Variants in SYCE1L observed in about 807,000 individuals in gnomAD.
SYCE1L encodes the protein synaptonemal complex central element protein 1-like.
Under a neutral mutation model 39.6 loss-of-function variants are expected in SYCE1L, and 51 were observed. The ratio of observed to expected loss-of-function variants is 1.29; its 90% confidence interval spans 1.03 to 1.63. SYCE1L has a LOEUF of 1.63. SYCE1L is among the 40% of genes most tolerant of loss of function. The pLI is 0.00. For missense variants in SYCE1L, 426 were observed against 304.9 expected (o/e 1.40, Z -2.96); for synonymous variants, 147 against 122.4 (o/e 1.20, Z -1.33).
At position 77,199,852 on chromosome 16, in the gene SYCE1L, TA is replaced by T. The variant is rs201098769; in HGVS notation, c.61+342del. ...TGCTGCAGCCACCCCTTATTAACAG[TA>T]ATTCCCAGTGTCGCCATTTCACACC... On this transcript the variant is annotated intron_variant, in intron 1 of 10. Transcript: ENST00000378644. 1,058 of 204,496 alleles carry T rather than the reference TA, an allele frequency of 5.2e-3. 10 individuals carry two copies. The highest frequency in any genetic ancestry group is 0.023 in the African/African-American group (970 of 43,022). 12.7% of individuals were successfully genotyped at this position (204,496 alleles called of 1,614,324 possible). A position where few individuals can be genotyped will look rare whatever the true frequency, so the allele number is the denominator to read the frequency against.
intron 7 of SYCE1L, among the ~76,000 whole-genome samples, chr16:77,211,814 G>A (rs1260076499): frequency 6.6e-6 from 1 of 152,174 alleles, no homozygotes; most frequent in Non-Finnish European, 1.5e-5. Context: ...AAGAAGCCGT[G>A]CAGGTATCGG....
intron 1 of SYCE1L, 104 bp downstream of exon 1, chr16:77,199,616 T>TA: frequency 1.0e-6 from 1 of 997,706 alleles, no homozygotes; most frequent in Non-Finnish European, 1.5e-6. Flanking sequence ...CTAATTTTTT[T>TA]AAATAAAATG....
rs1219198876 is a variant in SYCE1L, at chr16:77,209,484, G to A, written c.359+13G>A. The A allele has an allele frequency of 1.9e-6, 3 of 1,551,700 alleles. No individual in the cohort carries two copies. Among genetic ancestry groups the A allele is most frequent in the Non-Finnish European group, 2.6e-6 (3 of 1,146,980 alleles). ...GCGAGGCTCAGAGGTAAGAGGCCCT[G>A]CCTCAGCTCTTCCCTACCTCATTCC... On this transcript the variant is annotated intron_variant, in intron 6 of 10. Transcript: ENST00000378644.
In SYCE1L at chr16:77,201,819, A is replaced by C. The variant is rs1161995909; in HGVS notation, c.61+2307A>C. On this transcript the variant is annotated intron_variant, in intron 1 of 10. Coordinates refer to ENST00000378644, the MANE Select transcript of SYCE1L (RefSeq NM_001129979.3). ...TAAGTTCTAATTTAAATGTATTAAAATTAAATTATAAGTTGATAGGATTAT... is the reference window on the plus strand; with the variant it reads ...TAAGTTCTAATTTAAATGTATTAAACTTAAATTATAAGTTGATAGGATTAT... 4 of 152,356 alleles carry C rather than the reference A, an allele frequency of 2.6e-5. No homozygotes were observed. In the East Asian group the frequency reaches 7.7e-4, roughly 29 times the overall value. 9.4% of individuals were successfully genotyped at this position (152,356 alleles called of 1,614,324 possible). A position where few individuals can be genotyped will look rare whatever the true frequency, so the allele number is the denominator to read the frequency against.
chr16:77,208,076 C>G, intron 2 of SYCE1L, 134 bp from the exon 3 acceptor site: 1 of 860,898 alleles, frequency 1.2e-6, no homozygotes, highest in South Asian at 2.0e-5. Context: ...GGGGCTCTGG[C>G]AGAGCTCAAC....
Position 77,213,211 on chromosome 16 carries a change from T to G in SYCE1L, c.*280T>G. 2.8e-6 allele frequency: 1 copy of G among 355,198 alleles called. No individual in the cohort carries two copies. Among genetic ancestry groups the G allele is most frequent in the Admixed American group, 4.7e-5 (1 of 21,446 alleles). The allele number at this position is 355,198 out of a possible 1,614,324, so 22.0% of individuals were successfully genotyped here. A position where few individuals can be genotyped will look rare whatever the true frequency, so the allele number is the denominator to read the frequency against. On this transcript the variant is annotated 3_prime_UTR_variant, in exon 11 of 11. Coordinates refer to ENST00000378644, the MANE Select transcript of SYCE1L (RefSeq NM_001129979.3). ...CCTCATCTCGAGTTCCCAAACCATC[T>G]ATGTTGTCAACAGGGGCCGGAGGGC...
Position 77,212,546 on chromosome 16 carries a change from T to A in SYCE1L, c.582-28T>A, listed in dbSNP as rs1185574811. On this transcript the variant is annotated intron_variant, in intron 9 of 10. Transcript: ENST00000378644. ...GTCCCCTGGACTCTCGCTCTCTTCCTCCTGTCTCCTCGGCCCCTTCTCCGC... is the reference window on the plus strand; with the variant it reads ...GTCCCCTGGACTCTCGCTCTCTTCCACCTGTCTCCTCGGCCCCTTCTCCGC... 9 of 1,536,904 alleles carry A rather than the reference T, an allele frequency of 5.9e-6. No individual in the cohort carries two copies. In the Admixed American group the frequency reaches 1.8e-4, roughly 30 times the overall value.
At chr16:77,200,847 A>T (rs2054734225) in intron 1 of SYCE1L, 1 of 152,178 alleles carries the variant, frequency 6.6e-6, no homozygotes, top group Non-Finnish European at 1.5e-5. Context: ...GAAATATTCA[A>T]AGTGTACCAA....
intron 10 of SYCE1L, 82 bp downstream of exon 10, chr16:77,212,728 G>T: frequency 1.0e-5 from 15 of 1,446,124 alleles, no homozygotes; most frequent in Non-Finnish European, 1.1e-5. Context: ...AGCGGCCCCC[G>T]AGAGTGGGGT....
At chr16:77,206,145 T>C (rs962036872) in intron 1 of SYCE1L, among the ~76,000 whole-genome samples, 1 of 152,202 alleles carries the variant, frequency 6.6e-6, no homozygotes, top group East Asian at 1.9e-4. Flanking sequence ...AACAGCAGCA[T>C]CAGCAAACAT....
In SYCE1L at chr16:77,208,520, G is replaced by A. The variant is rs770192670; in HGVS notation, c.237G>A (p.Leu79=). The change falls in exon 4 of 11, where the codon CTG becomes CTA. Residue 79 remains leucine (L), a synonymous_variant. Transcript: ENST00000378644. ...AGACCCACAGTCTCTGGGAGGCCCT[G>A]CATAGGGAATTAGACTCCTGTAAGT... The part of the protein sequence containing the change: ...LRETHSLWEA[L]HRELDSLNGE... 1.3e-6 allele frequency: 2 copies of A among 1,551,726 alleles called. No individual in the cohort carries two copies. Among genetic ancestry groups the A allele is most frequent in the South Asian group, 2.4e-5 (2 of 84,066 alleles).
At chr16:77,211,355 C>T (rs2054821319) in intron 7 of SYCE1L, 79 bp downstream of exon 7, 2 of 1,494,768 alleles carry the variant, frequency 1.3e-6, no homozygotes, top group African/African-American at 1.4e-5. Flanking sequence ...AGAGTCCACC[C>T]CTGCCCAGGC....
At chr16:77,210,264 C>G (rs1220681536) in intron 6 of SYCE1L, among the ~76,000 whole-genome samples, 3 of 152,176 alleles carry the variant, frequency 2.0e-5, no homozygotes, top group African/African-American at 7.2e-5. Context: ...GTCTCGAACT[C>G]TCGACCTTAG....
intron 1 of SYCE1L, 197 bp downstream of exon 1, chr16:77,199,709 C>A: frequency 3.8e-6 from 2 of 525,246 alleles, no homozygotes; most frequent in South Asian, 2.9e-5. Flanking sequence ...TTCTTATCAC[C>A]GAGATTAACT....
chr16:77,200,274 G>GTGTATATATATATATATATATATA (rs1254014728), intron 1 of SYCE1L: 2 of 113,582 alleles, frequency 1.8e-5, no homozygotes, highest in African/African-American at 7.0e-5. Flanking sequence ...ATATATATGT[G>GTGTATATATATATATATATATATA]TATATATATA....
intron 6 of SYCE1L, among the ~76,000 whole-genome samples, chr16:77,210,335 C>G (rs915280891): frequency 6.6e-6 from 1 of 152,104 alleles, no homozygotes; most frequent in South Asian, 2.1e-4. Flanking sequence ...CTACCACACC[C>G]GACATCTTCT....
At chr16:77,203,843 C>T (rs1352945449) in intron 1 of SYCE1L, among the ~76,000 whole-genome samples, 4 of 152,100 alleles carry the variant, frequency 2.6e-5, no homozygotes, top group Admixed American at 2.0e-4. Context: ...GATCCACCCT[C>T]GTCGGCCTCC....
intron 1 of SYCE1L, among the ~76,000 whole-genome samples, chr16:77,203,891 G>A (rs1487889891): frequency 1.3e-5 from 2 of 151,978 alleles, no homozygotes; most frequent in Non-Finnish European, 2.9e-5. Context: ...CACTGCACCC[G>A]GCCGTTACTT....
At chr16:77,206,607 C>A (rs2054787461) in intron 2 of SYCE1L, 107 bp downstream of exon 2, 5 of 1,038,808 alleles carry the variant, frequency 4.8e-6, no homozygotes, top group South Asian at 4.2e-5. Context: ...TATCCCATTG[C>A]ACTTTCTCCC....
Sources: allele counts gnomAD v4.1 joint callset (sites outside exome capture counted in the v4.1 genomes callset), GRCh38; gene constraint gnomAD v4.1.1; transcripts MANE v1.5; gene names NCBI Gene and HGNC (gene_info 2026-07-23, HGNC 2026-07-21).